AGFG2: variants seen among roughly 807,000 people sequenced by gnomAD.
AGFG2 encodes ArfGAP with FG repeats 2, also known as arf-GAP domain and FG repeat-containing protein 2.
AGFG2 carries 31 observed loss-of-function variants against 48.0 expected under a neutral mutation model. That is an observed-to-expected ratio of 0.65 (90% CI 0.49 to 0.87). AGFG2 has a LOEUF of 0.87. AGFG2 is among the 40% of genes least tolerant of loss of function. The pLI, the probability that AGFG2 is intolerant of heterozygous loss-of-function variation, is 0.00. For missense variants in AGFG2, 599 were observed against 632.6 expected (o/e 0.95, Z 0.57); for synonymous variants, 229 against 260.8 (o/e 0.88, Z 1.18).
At chr7:100,548,164 T>C (rs1800550860) in intron 1 of AGFG2, among the ~76,000 whole-genome samples, 1 of 152,122 alleles carries the variant, frequency 6.6e-6, no homozygotes, top group African/African-American at 2.4e-5. Context: ...GCCTACAGGC[T>C]GAACACTGAA....
At chr7:100,561,220 G>A (rs189623398) in intron 6 of AGFG2, among the ~76,000 whole-genome samples, 27 of 149,466 alleles carry the variant, frequency 1.8e-4, no homozygotes, top group Admixed American at 1.3e-3. Context: ...TCCACTTCCC[G>A]GGTTCAAGTG....
rs1562790826 is a variant in AGFG2 at position 100,548,812 on chromosome 7, T to A, written c.222-10T>A. ...TTATACTTCTCTTTCTTCCTGTTTCTCTCCCATAGGAGAGGGCTGAACCCC... is the reference window on the plus strand; with the variant it reads ...TTATACTTCTCTTTCTTCCTGTTTCACTCCCATAGGAGAGGGCTGAACCCC... On this transcript the variant is annotated splice_polypyrimidine_tract_variant and intron_variant, in intron 1 of 11. Transcript: ENST00000300176. The A allele has an allele frequency of 6.2e-7, 1 of 1,605,374 alleles. No homozygotes were observed. The highest frequency in any genetic ancestry group is 1.7e-5 in the Admixed American group (1 of 59,928).
intron 2 of AGFG2, among the ~76,000 whole-genome samples, chr7:100,549,495 A>C (rs1039714338): frequency 6.6e-6 from 1 of 152,170 alleles, no homozygotes; most frequent in Non-Finnish European, 1.5e-5. Flanking sequence ...TTAATTCTCC[A>C]TAATTCTCAT....
chr7:100,545,231 G>T lies in AGFG2; in HGVS notation c.222-3591G>T, dbSNP rs550854328. Among the ~76,000 whole-genome samples, 11 of 152,254 alleles carry T rather than the reference G, an allele frequency of 7.2e-5. No individual in the cohort carries two copies. In the South Asian group the frequency reaches 2.3e-3, roughly 32 times the overall value. Reference sequence around the variant, plus strand: ...TGGGTGGAACTGGTTTTTTTCCATTGTTGACCTGGCAGAACTTTCTTATCT... The same window carrying T: ...TGGGTGGAACTGGTTTTTTTCCATTTTTGACCTGGCAGAACTTTCTTATCT... On this transcript the variant is annotated intron_variant, in intron 1 of 11. Transcript: ENST00000300176.
chr7:100,553,289 C>T, intron 3 of AGFG2, 58 bp from the exon 4 acceptor site: 3 of 1,592,890 alleles, frequency 1.9e-6, no homozygotes, highest in Non-Finnish European at 2.6e-6. Context: ...AACATCTCAG[C>T]TGAGCGTGGT....
chr7:100,545,442 A>G (rs1800493531), intron 1 of AGFG2, among the ~76,000 whole-genome samples: 4 of 152,084 alleles, frequency 2.6e-5, no homozygotes, highest in Admixed American at 2.6e-4. Flanking sequence ...GTTAGCAGCT[A>G]CACATACAAG....
In AGFG2 at chr7:100,539,366, A is replaced by AGGGCCC. The variant is rs1251384839; in HGVS notation, c.31_36dup (p.Pro11_Gly12dup). ...GCAGCGATGGTGATGGCGGCGAAGAAGGGCCCGGGCCCGGGCGGCGGGGTC... is the reference window on the plus strand; with the variant it reads ...GCAGCGATGGTGATGGCGGCGAAGAAGGGCCCGGGCCCGGGCCCGGGCGGCGGGGTC... On this transcript the variant is annotated inframe_insertion, in exon 1 of 12. Transcript: ENST00000300176. 2.4e-5 allele frequency: 30 copies of AGGGCCC among 1,269,338 alleles called. No homozygotes were observed. The African/African-American group carries it at 3.9e-4, about 16-fold the overall frequency. 78.6% of individuals were successfully genotyped at this position (1,269,338 alleles called of 1,614,324 possible).
At chr7:100,559,242 T>C (rs1800817823) in intron 6 of AGFG2, among the ~76,000 whole-genome samples, 1 of 152,108 alleles carries the variant, frequency 6.6e-6, no homozygotes, top group Non-Finnish European at 1.5e-5. Flanking sequence ...AGGAAAGAGC[T>C]TCCCTTTGCA....
intron 6 of AGFG2, among the ~76,000 whole-genome samples, chr7:100,561,258 C>G (rs1800864761): frequency 6.7e-6 from 1 of 149,582 alleles, no homozygotes. Context: ...TCCGAAGTAG[C>G]TGGGATTACA....
At chr7:100,549,933 C>T (rs945897237) in intron 2 of AGFG2, among the ~76,000 whole-genome samples, 3 of 152,158 alleles carry the variant, frequency 2.0e-5, no homozygotes, top group African/African-American at 7.2e-5. Flanking sequence ...CTCAAGTGAT[C>T]CACCCACCTC....
chr7:100,539,867 G>A (rs1050910610), intron 1 of AGFG2, among the ~76,000 whole-genome samples: 1 of 152,090 alleles, frequency 6.6e-6, no homozygotes, highest in Non-Finnish European at 1.5e-5. Context: ...CTGCAAGTGG[G>A]GAGGGAGAAA....
intron 1 of AGFG2, among the ~76,000 whole-genome samples, chr7:100,541,250 C>T (rs571032536): frequency 3.3e-5 from 5 of 152,246 alleles, no homozygotes; most frequent in South Asian, 4.1e-4. Context: ...TTATTTACTT[C>T]GTTTTAACCT....
chr7:100,554,937 C>CA (rs749887106), intron 5 of AGFG2, among the ~76,000 whole-genome samples: 14,305 of 52,314 alleles, frequency 0.27, 1,366 homozygotes, highest in Middle Eastern at 0.38. Flanking sequence ...GACTCCGTCT[C>CA]AAAAAAAAAA....
At chr7:100,556,571 C>T (rs1179477704) in intron 6 of AGFG2, 1 of 1,288,550 alleles carries the variant, frequency 7.8e-7, no homozygotes, top group African/African-American at 1.5e-5. Flanking sequence ...ACCCACCCTT[C>T]TCTTCTCCAC....
Position 100,539,223 on chromosome 7 carries a change from G to A in AGFG2, c.-124G>A, listed in dbSNP as rs1272824521. On this transcript the variant is annotated 5_prime_UTR_variant, in exon 1 of 12. Transcript: ENST00000300176. ...AGGGTGGTGGACGGCGAAGTCTCCT[G>A]CGGATGCCGCCCGCTCCCGAGCTTC... 2.0e-6 allele frequency: 2 copies of A among 1,017,642 alleles called. No individual in the cohort carries two copies. Among genetic ancestry groups the A allele is most frequent in the African/African-American group, 1.7e-5 (1 of 59,976 alleles). The allele number at this position is 1,017,642 out of a possible 1,614,324, so 63.0% of individuals were successfully genotyped here. A position where few individuals can be genotyped will look rare whatever the true frequency, so the allele number is the denominator to read the frequency against.
chr7:100,546,831 G>A (rs1342009180), intron 1 of AGFG2, among the ~76,000 whole-genome samples: 1 of 152,086 alleles, frequency 6.6e-6, no homozygotes, highest in Non-Finnish European at 1.5e-5. Context: ...GAGAGAGAAT[G>A]GACTATCTCT....
At chr7:100,551,066 A>T (rs866571958) in intron 3 of AGFG2, among the ~76,000 whole-genome samples, 765 of 69,642 alleles carry the variant, frequency 0.011, 43 homozygotes, top group African/African-American at 0.043. Context: ...ATATATATAT[A>T]TTTCTTTTTT....
chr7:100,543,538 G>C (rs547620623), intron 1 of AGFG2, among the ~76,000 whole-genome samples: 231 of 152,304 alleles, frequency 1.5e-3, no homozygotes, highest in Non-Finnish European at 2.4e-3. Context: ...AGAGTCGTCT[G>C]GGGGCAGTGA....
intron 10 of AGFG2, 32 bp downstream of exon 10, chr7:100,563,994 C>G: frequency 6.2e-7 from 1 of 1,600,560 alleles, no homozygotes; most frequent in Non-Finnish European, 8.5e-7. Flanking sequence ...ACCCTTTCAC[C>G]CCATCCCATC....
Sources: allele counts gnomAD v4.1 joint callset (sites outside exome capture counted in the v4.1 genomes callset), GRCh38; gene constraint gnomAD v4.1.1; transcripts MANE v1.5; gene names NCBI Gene and HGNC (gene_info 2026-07-23, HGNC 2026-07-21).